Variants in RFXANK observed in about 807,000 individuals in gnomAD.
RFXANK encodes the protein regulatory factor X associated ankyrin containing protein, also known as DNA-binding protein RFXANK.
RFXANK carries 19 observed loss-of-function variants against 34.5 expected under a neutral mutation model. The ratio of observed to expected loss-of-function variants is 0.55; its 90% CI spans 0.38 to 0.81. The LOEUF is 0.81. Among genes scored for constraint, RFXANK ranks in the 30% least tolerant of loss-of-function variants. The probability of loss-of-function intolerance (pLI) is 0.00; values close to 1 mark genes in which losing one functional copy is unlikely to be tolerated. For synonymous variants in RFXANK, 154 were observed against 149.8 expected (o/e 1.03, Z -0.20); for missense variants, 295 against 343.5 (o/e 0.86, Z 1.12).
At chr19:19,200,174 G>C (rs932869827) in intron 9 of RFXANK, among the ~76,000 whole-genome samples, 125 of 136,300 alleles carry the variant, frequency 9.2e-4, no homozygotes, top group African/African-American at 3.3e-3. Flanking sequence ...TTTTGTTGTT[G>C]CTTTTTTTTT....
chr19:19,192,267 CAAGA>C lies in RFXANK; in HGVS notation c.-433_-430del. ...CTCCCCGCTCCTCAGTCTTTGCGGACAAGAAAGGGGCTGTGTGAGACGCAGGGAA... is the reference window on the plus strand; with the variant it reads ...CTCCCCGCTCCTCAGTCTTTGCGGACAAGGGGCTGTGTGAGACGCAGGGAA... On this transcript the variant is annotated 5_prime_UTR_variant, in exon 1 of 10. Transcript: ENST00000303088. 3 of 1,046,830 alleles carry C rather than the reference CAAGA, an allele frequency of 2.9e-6. No homozygotes were observed. The highest frequency in any genetic ancestry group is 4.2e-6 in the Non-Finnish European group (3 of 716,842). The allele number at this position is 1,046,830 out of a possible 1,614,324, so 64.8% of individuals were successfully genotyped here.
intron 9 of RFXANK, 200 bp from the exon 10 acceptor site, chr19:19,201,449 G>C (rs1399283526): frequency 5.9e-6 from 9 of 1,528,666 alleles, no homozygotes; most frequent in Non-Finnish European, 7.9e-6. Flanking sequence ...ATTCTGAAAA[G>C]CTACAAAAGT....
intron 6 of RFXANK, 175 bp downstream of exon 6, chr19:19,197,796 G>A (rs895127115): frequency 3.0e-6 from 2 of 674,600 alleles, no homozygotes; most frequent in Non-Finnish European, 5.1e-6. Flanking sequence ...ATCACTTGAG[G>A]TCAGGAGTTC....
intron 9 of RFXANK, 97 bp downstream of exon 9, chr19:19,199,331 G>T: frequency 8.6e-7 from 1 of 1,169,508 alleles, no homozygotes; most frequent in Admixed American, 1.7e-5. Context: ...GTCATACGCC[G>T]GCAGCGAGAG....
rs2146451859 is a variant in RFXANK, at chr19:19,192,973, G to C, written c.-136G>C. On this transcript the variant is annotated 5_prime_UTR_variant, in exon 2 of 10. Coordinates refer to ENST00000303088, the MANE Select transcript of RFXANK (RefSeq NM_003721.4). The stretch of plus-strand genomic sequence containing the variant: ...CTGTCCCGGCAGAGGAAGCCAGATC[G>C]CTGAGGGTCCGGTCTCCAGTTTGCC... The C allele has an allele frequency of 6.6e-6, 1 of 152,476 alleles. No individual in the cohort carries two copies. Among genetic ancestry groups the C allele is most frequent in the East Asian group, 1.9e-4 (1 of 5,184 alleles). The allele number at this position is 152,476 out of a possible 1,614,324, so 9.4% of individuals were successfully genotyped here. A position where few individuals can be genotyped will look rare whatever the true frequency, so the allele number is the denominator to read the frequency against.
At position 19,201,707 on chromosome 19, in the gene RFXANK, T is replaced by A; in HGVS notation, c.771T>A (p.Ala257=). 1.2e-6 allele frequency: 2 copies of A among 1,614,096 alleles called. No individual in the cohort carries two copies. The highest frequency in any genetic ancestry group is 1.7e-6 in the Non-Finnish European group (2 of 1,180,016). ...TCTTCCAGAGCAACCTGGTGCCCGC[T>A]GACCCTGAGTGAAGGCCGCCTGCCG... is the stretch of plus-strand genomic sequence containing the variant. ...LKLFQSNLVP[A]DPE The change falls in exon 10 of 10, where the codon GCT becomes GCA. Residue 257 remains alanine, a synonymous_variant. Transcript: ENST00000303088.
chr19:19,194,511 C>T (rs926993414), intron 3 of RFXANK, among the ~76,000 whole-genome samples: 3 of 152,170 alleles, frequency 2.0e-5, no homozygotes, highest in African/African-American at 7.2e-5. Context: ...GCTGGGATTA[C>T]AGGCATGAGC....
chr19:19,196,975 T>C lies in RFXANK; in HGVS notation c.200T>C (p.Leu67Pro). The C allele has an allele frequency of 2.5e-6, 4 of 1,612,474 alleles. No individual in the cohort carries two copies. The highest frequency in any genetic ancestry group is 2.5e-6 in the Non-Finnish European group (3 of 1,179,944). ...GTCTGTTTCCCAGCAGGCAGCTCCC[T>C]GAAGCACTCCACCACTCTCACCAAC... is the stretch of plus-strand genomic sequence containing the variant. ...SVSSPQAGSS[L>P]KHSTTLTNRQ... The change falls in exon 4 of 10, where the codon CTG (leucine) becomes CCG (proline). Residue 67 changes from leucine to proline, a missense_variant. Leu to Pro is a moderately conservative substitution (Grantham distance 98, BLOSUM62 -3). Coordinates refer to ENST00000303088, the MANE Select transcript of RFXANK (RefSeq NM_003721.4).
At chr19:19,201,599 C>T (rs762349501) in intron 9 of RFXANK, 50 bp from the exon 10 acceptor site, 14 of 1,613,008 alleles carry the variant, frequency 8.7e-6, no homozygotes, top group African/African-American at 2.7e-5. Context: ...GTGCCTCCAC[C>T]CCACTCCCGA....
In RFXANK at chr19:19,194,088, G is replaced by A; in HGVS notation, c.142G>A (p.Glu48Lys). 1 of 1,614,136 alleles carries A rather than the reference G, an allele frequency of 6.2e-7. No individual in the cohort carries two copies. The highest frequency in any genetic ancestry group is 8.5e-7 in the Non-Finnish European group (1 of 1,180,022). ...CCTCAGTCTCTTTCCCTGCACCCCT[G>A]AGCCTGTGAATCCTGAACCGGATGC... is the stretch of plus-strand genomic sequence containing the variant. ...VVLSLFPCTP[E>K]PVNPEPDASV... The change falls in exon 3 of 10, where the codon GAG (glutamate) becomes AAG (lysine). Residue 48 changes from glutamate (E) to lysine (K), a missense_variant. By Grantham distance (56) the Glu-to-Lys change is moderately conservative. Transcript: ENST00000303088.
At chr19:19,194,314 C>T (rs969269332) in intron 3 of RFXANK, among the ~76,000 whole-genome samples, 181 bp downstream of exon 3, 2 of 152,194 alleles carry the variant, frequency 1.3e-5, no homozygotes, top group African/African-American at 2.4e-5. Context: ...CTCACTGCAA[C>T]CTCTGCCTCC....
In RFXANK at chr19:19,198,200, G is replaced by T. The variant is rs2146493181; in HGVS notation, c.532G>T (p.Glu178Ter). The T allele has an allele frequency of 1.2e-6, 2 of 1,614,172 alleles. No individual in the cohort carries two copies. The highest frequency in any genetic ancestry group is 1.7e-6 in the Non-Finnish European group (2 of 1,180,034). Residue 178 changes from glutamate (E) to a stop codon, truncating the protein, a stop_gained, in exon 7 of 10, where the codon GAG becomes TAG. Coordinates refer to ENST00000303088, the MANE Select transcript of RFXANK (RefSeq NM_003721.4). LOFTEE classifies it high-confidence loss of function. The stretch of plus-strand genomic sequence containing the variant: ...CACAGACATTGTGGGGCTGCTGCTG[G>T]AGCGTGACGTGGACATCAACATCTA... ...GYTDIVGLLL[E>*]RDVDINIYDW...
At chr19:19,196,400 T>A (rs10403193) in intron 3 of RFXANK, among the ~76,000 whole-genome samples, 26,355 of 150,944 alleles carry the variant, frequency 0.17, 2,740 homozygotes, top group East Asian at 0.4. Flanking sequence ...TCTCTACCAA[T>A]ATATATATAT....
At chr19:19,198,501 C>T (rs2060640404) in intron 7 of RFXANK, 156 bp from the exon 8 acceptor site, 6 of 1,001,342 alleles carry the variant, frequency 6.0e-6, no homozygotes, top group Admixed American at 4.0e-5. Flanking sequence ...AGAGGTCTTC[C>T]TGGAGGAAGG....
intron 2 of RFXANK, among the ~76,000 whole-genome samples, chr19:19,193,359 GAGGGATTCGA>G (rs1187293633): frequency 6.6e-6 from 1 of 151,022 alleles, no homozygotes; most frequent in Non-Finnish European, 1.5e-5. Context: ...CCTATAAATT[GAGGGATTCGA>G]ACCCAGACAG....
Position 19,196,897 on chromosome 19 carries a change from G to T in RFXANK, c.188-66G>T. 4.9e-6 allele frequency: 7 copies of T among 1,415,100 alleles called. No homozygotes were observed. In the East Asian group the frequency reaches 6.8e-5, roughly 14 times the overall value. 87.7% of individuals were successfully genotyped at this position (1,415,100 alleles called of 1,614,324 possible). On this transcript the variant is annotated intron_variant, in intron 3 of 9. Coordinates refer to ENST00000303088, the MANE Select transcript of RFXANK (RefSeq NM_003721.4). ...AACAGCAACAAAAAAAAACAGATGG[G>T]CTTCTGTCCTGAAGCCTCAGAGACA...
In RFXANK at chr19:19,201,601, C is replaced by G. The variant is rs201490667; in HGVS notation, c.713-48C>G. 18 of 1,613,238 alleles carry G rather than the reference C, an allele frequency of 1.1e-5. No homozygotes were observed. The South Asian group carries it at 1.5e-4, about 14-fold the overall frequency. Reference sequence around the variant, plus strand: ...CGCAGGTTGGCCTGTGCCTCCACCCCACTCCCGATTCAAGCTCACAGCCCA... The same window carrying G: ...CGCAGGTTGGCCTGTGCCTCCACCCGACTCCCGATTCAAGCTCACAGCCCA... On this transcript the variant is annotated intron_variant, in intron 9 of 9. Coordinates refer to ENST00000303088, the MANE Select transcript of RFXANK (RefSeq NM_003721.4).
In RFXANK at chr19:19,198,216, TCAA is replaced by T; in HGVS notation, c.551_553del (p.Asn184del). On this transcript the variant is annotated inframe_deletion, in exon 7 of 10. Transcript: ENST00000303088. ...CTGCTGCTGGAGCGTGACGTGGACA[TCAA>T]CATCTATGATTGGGTGAGGGACTGC... 1 of 1,614,084 alleles carries T rather than the reference TCAA, an allele frequency of 6.2e-7. No individual in the cohort carries two copies. The highest frequency in any genetic ancestry group is 8.5e-7 in the Non-Finnish European group (1 of 1,180,016).
chr19:19,198,046 AC>A (rs1308838548), intron 6 of RFXANK, 60 bp from the exon 7 acceptor site: 1 of 1,591,544 alleles, frequency 6.3e-7, no homozygotes, highest in Non-Finnish European at 8.6e-7. Context: ...TGCTGTGGGT[AC>A]CCCAGGATTC....
Sources: allele counts gnomAD v4.1 joint callset (sites outside exome capture counted in the v4.1 genomes callset), GRCh38; gene constraint gnomAD v4.1.1; transcripts MANE v1.5; gene names NCBI Gene and HGNC (gene_info 2026-07-23, HGNC 2026-07-21).